Variants in PCNX1 observed in about 807,000 individuals in gnomAD.
The protein encoded by PCNX1 is pecanex 1, also known as pecanex-like protein 1.
PCNX1 carries 78 observed loss-of-function variants against 242.2 expected under a neutral mutation model. The ratio of observed to expected loss-of-function variants is 0.32; its 90% CI spans 0.27 to 0.39. PCNX1 has a LOEUF of 0.39. Ranked by LOEUF, PCNX1 falls within the 10% of genes least tolerant of loss-of-function variation. PCNX1 has a pLI of 1.00. For synonymous variants in PCNX1, 1,024 were observed against 1,032.9 expected, an observed-to-expected ratio of 0.99 and a Z score of 0.17; for missense variants, 2,581 against 2,856.5, an observed-to-expected ratio of 0.90 and a Z score of 2.20.
chr14:71,005,181 AG>A (rs755631921), intron 8 of PCNX1, among the ~76,000 whole-genome samples: 8 of 152,194 alleles, frequency 5.3e-5, no homozygotes, highest in Non-Finnish European at 1.2e-4. Context: ...AGATACATAT[AG>A]GTAACTTTAG....
intron 1 of PCNX1, among the ~76,000 whole-genome samples, chr14:70,917,600 A>C (rs1173699065): frequency 6.6e-6 from 1 of 152,208 alleles, no homozygotes; most frequent in Non-Finnish European, 1.5e-5. Flanking sequence ...CCATGCTGTA[A>C]ACAGATGTGA....
intron 1 of PCNX1, among the ~76,000 whole-genome samples, chr14:70,919,965 C>A (rs964433236): frequency 6.6e-6 from 1 of 151,922 alleles, no homozygotes; most frequent in African/African-American, 2.4e-5. Flanking sequence ...GAACCCTGAG[C>A]GCCAACTGCC....
intron 6 of PCNX1, among the ~76,000 whole-genome samples, chr14:70,982,071 A>G (rs935774801): frequency 2.0e-5 from 3 of 151,140 alleles, no homozygotes; most frequent in African/African-American, 5.0e-5. Flanking sequence ...TTATTTAAAG[A>G]AAAGTCAGAT....
intron 2 of PCNX1, among the ~76,000 whole-genome samples, chr14:70,948,584 T>G (rs1440326356): frequency 6.6e-6 from 1 of 151,704 alleles, no homozygotes; most frequent in African/African-American, 2.4e-5. Flanking sequence ...TATACACATA[T>G]GCATATATAG....
intron 2 of PCNX1, among the ~76,000 whole-genome samples, chr14:70,961,200 A>G (rs2058198436): frequency 1.3e-5 from 2 of 152,292 alleles, no homozygotes; most frequent in East Asian, 1.9e-4. Context: ...AAGAGCCCAC[A>G]TCGCCAAGTC....
At position 71,045,142 on chromosome 14, in the gene PCNX1, A is replaced by G; in HGVS notation, c.3877A>G (p.Lys1293Glu). 2 of 1,588,636 alleles carry G rather than the reference A, an allele frequency of 1.3e-6. No individual in the cohort carries two copies. The highest frequency in any genetic ancestry group is 8.5e-7 in the Non-Finnish European group (1 of 1,171,692). ...CTATTATTTTTTTTAGCCTGCCCTC[A>G]AGTATGTGTTGTATACATTGGTTGG... ...TVFTVLQPAL[K>E]YVLYTLVGFV... Residue 1293 changes from lysine to glutamate, a missense_variant, in exon 20 of 36, where the codon AAG (lysine) becomes GAG (glutamate). This residue lies in a region of PCNX1 where 432 missense variants were observed against 443.1 expected (regional missense o/e 0.97). Transcript: ENST00000304743.
intron 2 of PCNX1, among the ~76,000 whole-genome samples, chr14:70,955,872 AAATG>A (rs2057973786): frequency 6.6e-6 from 1 of 151,082 alleles, no homozygotes; most frequent in African/African-American, 2.4e-5. Context: ...TTTTTTTTTT[AAATG>A]AAAACCCCTG....
intron 24 of PCNX1, among the ~76,000 whole-genome samples, chr14:71,053,643 C>T (rs1376067920): frequency 1.3e-5 from 2 of 151,846 alleles, no homozygotes; most frequent in Non-Finnish European, 2.9e-5. Flanking sequence ...TTATTGGAAA[C>T]ACCAGAGTTT....
intron 1 of PCNX1, among the ~76,000 whole-genome samples, chr14:70,927,324 A>G (rs901397128): frequency 6.6e-6 from 1 of 151,918 alleles, no homozygotes; most frequent in Non-Finnish European, 1.5e-5. Flanking sequence ...ACGTTTTTAA[A>G]TTTTTTTCTG....
At chr14:71,041,434 G>T (rs186885650) in intron 19 of PCNX1, among the ~76,000 whole-genome samples, 5 of 152,176 alleles carry the variant, frequency 3.3e-5, no homozygotes, top group East Asian at 1.9e-4. Flanking sequence ...TTGTTAGGTT[G>T]TATGTGTCTA....
At chr14:70,975,594 A>G (rs1260938457) in intron 5 of PCNX1, among the ~76,000 whole-genome samples, 1 of 152,150 alleles carries the variant, frequency 6.6e-6, no homozygotes, top group Non-Finnish European at 1.5e-5. Context: ...TTTACTATAG[A>G]ATCTGTTATT....
rs762093656 is a variant in PCNX1, at chr14:71,109,828, C to T, written c.6919C>T (p.Pro2307Ser). Residue 2307 changes from proline to serine, a missense_variant, in exon 36 of 36, where the codon CCA becomes TCA. Transcript: ENST00000304743. ...IHRWVPCSRDPGTRSHIDKAV... is the reference protein window; with the variant it reads ...IHRWVPCSRDSGTRSHIDKAV... ...CCGATGGGTGCCTTGCAGCAGAGAT[C>T]CAGGTACCAGATCCCACATCGACAA... 1.1e-5 allele frequency: 18 copies of T among 1,613,452 alleles called. No individual in the cohort carries two copies. The South Asian group carries it at 2.0e-4, about 18-fold the overall frequency.
At chr14:70,911,315 C>T (rs2055895203) in intron 1 of PCNX1, among the ~76,000 whole-genome samples, 1 of 144,002 alleles carries the variant, frequency 6.9e-6, no homozygotes, top group Non-Finnish European at 1.5e-5. Flanking sequence ...GTGGAGAGAT[C>T]GTACATTAAG....
chr14:70,932,966 C>T (rs2056863251), intron 1 of PCNX1, among the ~76,000 whole-genome samples: 1 of 152,126 alleles, frequency 6.6e-6, no homozygotes, highest in Non-Finnish European at 1.5e-5. Context: ...GCATTTTTTA[C>T]AATAATCCTA....
At chr14:70,926,890 G>A (rs558633425) in intron 1 of PCNX1, among the ~76,000 whole-genome samples, 1 of 152,290 alleles carries the variant, frequency 6.6e-6, no homozygotes, top group African/African-American at 2.4e-5. Context: ...TACTTAGGAG[G>A]ACAATAATGA....
At position 70,970,698 on chromosome 14, in the gene PCNX1, C is replaced by T. The variant is rs575116998; in HGVS notation, c.604+1588C>T. 8.5e-5 allele frequency among the ~76,000 whole-genome samples: 13 copies of T among 152,296 alleles called. No individual in the cohort carries two copies. The East Asian group carries it at 2.1e-3, about 25-fold the overall frequency. ...GGTCAACATACTTTTCTCTAAAGGA[C>T]CAGATAGCTTTGTAGGCCATGTGGT... On this transcript the variant is annotated intron_variant, in intron 5 of 35. Transcript: ENST00000304743.
chr14:71,097,231 T>C (rs971389323), intron 30 of PCNX1, among the ~76,000 whole-genome samples: 1 of 152,358 alleles, frequency 6.6e-6, no homozygotes, highest in Middle Eastern at 3.4e-3. Flanking sequence ...GCACCTAGAT[T>C]GATTCTGCAT....
intron 8 of PCNX1, among the ~76,000 whole-genome samples, chr14:71,005,159 C>G (rs1016964576): frequency 2.6e-5 from 4 of 152,016 alleles, no homozygotes; most frequent in African/African-American, 7.3e-5. Context: ...TTCTAGTAAC[C>G]ACCTCCTTCC....
chr14:70,959,240 T>C (rs1265564766), intron 2 of PCNX1, among the ~76,000 whole-genome samples: 1 of 151,300 alleles, frequency 6.6e-6, no homozygotes, highest in Non-Finnish European at 1.5e-5. Flanking sequence ...TTTTTAATTA[T>C]TATTATACTT....
Sources: allele counts gnomAD v4.1 joint callset (sites outside exome capture counted in the v4.1 genomes callset), GRCh38; gene constraint gnomAD v4.1.1; regional missense constraint gnomAD v4.1.1; transcripts MANE v1.5; gene names NCBI Gene and HGNC (gene_info 2026-07-23, HGNC 2026-07-21).